The following DDX55 variants were observed in gnomAD, a reference collection of about 807,000 sequenced individuals.
The protein encoded by DDX55 is DEAD-box helicase 55.
DDX55 carries 56 observed loss-of-function variants against 69.2 expected under a neutral mutation model. The observed-to-expected ratio is 0.81, with a 90% CI of 0.65 to 1.01. The LOEUF (loss-of-function observed/expected upper bound fraction) is 1.01, where lower values mean the gene tolerates loss of function less well. Among genes scored for constraint, DDX55 ranks in the 50% least tolerant of loss-of-function variants. DDX55 has a pLI of 0.00. For synonymous variants in DDX55, 268 were observed against 273.1 expected (o/e 0.98, Z 0.18); for missense variants, 720 against 745.1 (o/e 0.97, Z 0.39).
In DDX55 at chr12:123,619,984, G is replaced by A; in HGVS notation, c.1647G>A (p.Glu549=). ...CTTAGGGTTCTGATATTGAAGATGA[G>A]GACATGGAAGAACTTCTTAATGACA... The part of the protein sequence containing the change: ...KREEGSDIED[E]DMEELLNDTR... The change falls in exon 14 of 14, where the codon GAG becomes GAA. Residue 549 remains glutamate (E), a synonymous_variant. Transcript: ENST00000238146. 1 of 1,613,646 alleles carries A rather than the reference G, an allele frequency of 6.2e-7. No homozygotes were observed. Among genetic ancestry groups the A allele is most frequent in the Non-Finnish European group, 8.5e-7 (1 of 1,179,846 alleles).
At chr12:123,606,184 T>G (rs1679014585) in intron 3 of DDX55, 25 bp downstream of exon 3, 1 of 1,612,002 alleles carries the variant, frequency 6.2e-7, no homozygotes, top group African/African-American at 1.3e-5. Context: ...AGTGATTTAT[T>G]TTCACCTAGT....
intron 7 of DDX55, among the ~76,000 whole-genome samples, chr12:123,612,553 T>C (rs1377622460): frequency 1.3e-5 from 2 of 152,164 alleles, no homozygotes; most frequent in Non-Finnish European, 2.9e-5. Flanking sequence ...GTATTCACCT[T>C]AGAGCAGTGA....
intron 1 of DDX55, 184 bp from the exon 2 acceptor site, chr12:123,605,747 G>A (rs762856339): frequency 2.6e-5 from 20 of 762,690 alleles, no homozygotes; most frequent in Non-Finnish European, 4.6e-5. Flanking sequence ...GTCCCCACAC[G>A]CCGTCCACAT....
rs1250251932 is a variant in DDX55, at chr12:123,620,627, T to TATATATATATATATATATAA, written c.*488_*489insTATATATATATATATATAAA. On this transcript the variant is annotated 3_prime_UTR_variant, in exon 14 of 14. Coordinates refer to ENST00000238146, the MANE Select transcript of DDX55 (RefSeq NM_020936.3). ...ATATATATATATATATATATATATATAAGCTCTTTTTTCTGAGGCTATTTT... is the reference window on the plus strand; with the variant it reads ...ATATATATATATATATATATATATATATATATATATATATATATAAAAGCTCTTTTTTCTGAGGCTATTTT... The TATATATATATATATATATAA allele has an allele frequency of 1.0e-5, 1 of 99,808 alleles. No individual in the cohort carries two copies. Among genetic ancestry groups the TATATATATATATATATATAA allele is most frequent in the Non-Finnish European group, 2.1e-5 (1 of 46,680 alleles). The allele number at this position is 99,808 out of a possible 1,614,324, so 6.2% of individuals were successfully genotyped here.
chr12:123,609,497 C>T (rs1954083607), intron 6 of DDX55, among the ~76,000 whole-genome samples: 1 of 151,406 alleles, frequency 6.6e-6, no homozygotes, highest in African/African-American at 2.4e-5. Context: ...ACCTCAGCCT[C>T]CTGAGTCATC....
At position 123,606,096 on chromosome 12, in the gene DDX55, C is replaced by G. The variant is rs138847573; in HGVS notation, c.183C>G (p.Leu61=). Residue 61 remains leucine, a synonymous_variant, in exon 3 of 14, where the codon CTC becomes CTG. Transcript: ENST00000238146. ...AGGTCACAGGTAGTGGCAAAACACTCGCTTTTGTCATCCCCATCCTGGAAA... is the reference window on the plus strand; with the variant it reads ...AGGTCACAGGTAGTGGCAAAACACTGGCTTTTGTCATCCCCATCCTGGAAA... The part of the protein sequence containing the change: ...AEAVTGSGKT[L]AFVIPILEIL... 3 of 1,614,136 alleles carry G rather than the reference C, an allele frequency of 1.9e-6. No homozygotes were observed. The highest frequency in any genetic ancestry group is 2.2e-5 in the East Asian group (1 of 44,884).
At chr12:123,603,519 T>C (rs1953698874) in intron 1 of DDX55, among the ~76,000 whole-genome samples, 1 of 150,512 alleles carries the variant, frequency 6.6e-6, no homozygotes, top group African/African-American at 2.4e-5. Context: ...ACCTCCCAAG[T>C]AGCTGAGATC....
At chr12:123,605,520 T>C (rs954327051) in intron 1 of DDX55, 5 of 325,044 alleles carry the variant, frequency 1.5e-5, no homozygotes, top group African/African-American at 8.6e-5. Flanking sequence ...CTGAATCTAA[T>C]TGAGGTTTTT....
chr12:123,617,157 G>A (rs184857148), intron 10 of DDX55, among the ~76,000 whole-genome samples: 9 of 152,258 alleles, frequency 5.9e-5, no homozygotes, highest in East Asian at 5.8e-4. Flanking sequence ...ACAAAAACCC[G>A]TTGTTTTAAG....
chr12:123,606,284 T>G (rs1321791725), intron 3 of DDX55, 125 bp downstream of exon 3: 30 of 1,157,284 alleles, frequency 2.6e-5, no homozygotes, highest in African/African-American at 3.1e-5. Flanking sequence ...ATCCCAGCAC[T>G]TTGGGAGACT....
intron 1 of DDX55, among the ~76,000 whole-genome samples, chr12:123,603,389 ATTC>A (rs1454867161): frequency 9.0e-6 from 1 of 111,694 alleles, no homozygotes; most frequent in Non-Finnish European, 1.9e-5. Context: ...TGAGGTTTTT[ATTC>A]TTTTTTTTTT....
chr12:123,610,268 C>A, intron 7 of DDX55, 140 bp downstream of exon 7: 2 of 1,020,430 alleles, frequency 2.0e-6, no homozygotes, highest in Non-Finnish European at 2.8e-6. Context: ...GGGCAAATGG[C>A]CTGAGTGGTC....
intron 1 of DDX55, among the ~76,000 whole-genome samples, chr12:123,603,773 GA>G (rs896074325): frequency 1.3e-5 from 2 of 151,890 alleles, no homozygotes; most frequent in African/African-American, 4.8e-5. Context: ...GGAAAGTCAA[GA>G]GTTCTTTTTT....
intron 9 of DDX55, 90 bp downstream of exon 9, chr12:123,615,406 C>G: frequency 6.5e-7 from 1 of 1,531,624 alleles, no homozygotes; most frequent in Non-Finnish European, 8.8e-7. Context: ...CCTGTGCTGT[C>G]CGCATGTGTT....
chr12:123,605,917 A>G lies in DDX55; in HGVS notation c.109-14A>G. ...GGCATCCTTTAACCAGTGCTTTGCA[A>G]TCTCTCTCTTTAGTCCGCAACCATC... On this transcript the variant is annotated splice_polypyrimidine_tract_variant and intron_variant, in intron 1 of 13. Transcript: ENST00000238146. The G allele has an allele frequency of 1.2e-6, 2 of 1,614,048 alleles. No individual in the cohort carries two copies. The highest frequency in any genetic ancestry group is 1.7e-6 in the Non-Finnish European group (2 of 1,179,990).
rs1188946739 is a variant in DDX55 at position 123,618,720 on chromosome 12, A to C, written c.1216A>C (p.Lys406Gln). Residue 406 changes from lysine to glutamine, a missense_variant, in exon 12 of 14, where the codon AAA (lysine) becomes CAA (glutamine). Transcript: ENST00000238146. ...PQRNTADLLP[K>Q]LKSMALADRA... ...GAGAAACACAGCGGACCTTCTGCCA[A>C]AACTCAAGTCCATGGCCCTGGCTGA... The C allele has an allele frequency of 6.2e-7, 1 of 1,614,062 alleles. No homozygotes were observed. The highest frequency in any genetic ancestry group is 8.5e-7 in the Non-Finnish European group (1 of 1,180,040).
At position 123,615,440 on chromosome 12, in the gene DDX55, T is replaced by TC. The variant is rs1316713406; in HGVS notation, c.956+127dup. 8.1e-6 allele frequency: 11 copies of TC among 1,363,396 alleles called. No individual in the cohort carries two copies. In the East Asian group the frequency reaches 2.9e-4, roughly 36 times the overall value. The allele number at this position is 1,363,396 out of a possible 1,614,324, so 84.5% of individuals were successfully genotyped here. A position where few individuals can be genotyped will look rare whatever the true frequency, so the allele number is the denominator to read the frequency against. The stretch of plus-strand genomic sequence containing the variant: ...TTGTCTTTCCTGCCTGGAACCCTCT[T>TC]CCCTCTCTAATCTGGTTATCACATC... On this transcript the variant is annotated intron_variant, in intron 9 of 13. Transcript: ENST00000238146.
At chr12:123,612,201 T>G (rs1164943155) in intron 7 of DDX55, among the ~76,000 whole-genome samples, 6 of 152,196 alleles carry the variant, frequency 3.9e-5, no homozygotes, top group Admixed American at 3.3e-4. Context: ...AGTGCAGCTA[T>G]TCCAAAATCT....
Position 123,620,193 on chromosome 12 carries a change from G to A in DDX55, c.*53G>A. The A allele has an allele frequency of 6.5e-7, 1 of 1,536,122 alleles. No homozygotes were observed. The highest frequency in any genetic ancestry group is 8.8e-7 in the Non-Finnish European group (1 of 1,135,342). ...GACATAGCTGTTCCCTAACTTGGTG[G>A]ATGGCTCCAGTTTGCTTTTAACGAA... On this transcript the variant is annotated 3_prime_UTR_variant, in exon 14 of 14. Coordinates refer to ENST00000238146, the MANE Select transcript of DDX55 (RefSeq NM_020936.3).
Sources: allele counts gnomAD v4.1 joint callset (sites outside exome capture counted in the v4.1 genomes callset), GRCh38; gene constraint gnomAD v4.1.1; transcripts MANE v1.5; gene names NCBI Gene and HGNC (gene_info 2026-07-23, HGNC 2026-07-21).